The following CNTNAP2 variants were observed in gnomAD, a reference collection of about 807,000 sequenced individuals.
CNTNAP2 encodes contactin-associated protein-like 2.
Under a neutral mutation model 155.2 loss-of-function variants are expected in CNTNAP2, and 98 were observed. That is an observed-to-expected ratio of 0.63 (90% CI 0.54 to 0.75). The LOEUF (loss-of-function observed/expected upper bound fraction) is 0.75, where lower values mean the gene tolerates loss of function less well. Ranked by LOEUF, CNTNAP2 falls within the 30% of genes least tolerant of loss-of-function variation. CNTNAP2 has a pLI of 0.00. For synonymous variants in CNTNAP2, 651 were observed against 631.2 expected (o/e 1.03, Z -0.47); for missense variants, 1,727 against 1,688.1 (o/e 1.02, Z -0.40).
intron 17 of CNTNAP2, among the ~76,000 whole-genome samples, chr7:148,152,684 A>T (rs1035890435): frequency 2.6e-5 from 4 of 152,168 alleles, no homozygotes; most frequent in Non-Finnish European, 5.9e-5. Context: ...TCCAGCCAGG[A>T]GGGAACCAGT....
At chr7:147,650,338 A>G (rs1259892716) in intron 13 of CNTNAP2, among the ~76,000 whole-genome samples, 1 of 152,164 alleles carries the variant, frequency 6.6e-6, no homozygotes, top group African/African-American at 2.4e-5. Flanking sequence ...GTGCTATGAG[A>G]ATACAATGAG....
chr7:146,921,832 C>G (rs1215579507), intron 3 of CNTNAP2, among the ~76,000 whole-genome samples: 6 of 152,078 alleles, frequency 3.9e-5, no homozygotes, highest in Middle Eastern at 6.4e-3. Context: ...GGAAACTGAA[C>G]ACGAAGACAT....
At chr7:147,213,492 G>T (rs114667649) in intron 8 of CNTNAP2, among the ~76,000 whole-genome samples, 3 of 151,942 alleles carry the variant, frequency 2.0e-5, no homozygotes, top group African/African-American at 7.2e-5. Flanking sequence ...TTATTGCAAA[G>T]ATATCCACAA....
At chr7:147,119,540 T>A (rs530109806) in intron 5 of CNTNAP2, among the ~76,000 whole-genome samples, 1 of 152,296 alleles carries the variant, frequency 6.6e-6, no homozygotes, top group South Asian at 2.1e-4. Flanking sequence ...TTTCTTCCTC[T>A]CTCTTCCTCT....
At chr7:148,098,882 T>A (rs1804031319) in intron 15 of CNTNAP2, among the ~76,000 whole-genome samples, 1 of 152,068 alleles carries the variant, frequency 6.6e-6, no homozygotes, top group Admixed American at 6.5e-5. Flanking sequence ...AAGAGAAGGA[T>A]AAAGTAGCAT....
chr7:148,087,731 A>G (rs1417651894), intron 15 of CNTNAP2, among the ~76,000 whole-genome samples: 3 of 152,144 alleles, frequency 2.0e-5, no homozygotes, highest in Admixed American at 6.6e-5. Context: ...TCCCTACCAT[A>G]AGTAGTAAAG....
rs563789295 is a variant in CNTNAP2, at chr7:146,934,218, G to T, written c.402+94314G>T. On this transcript the variant is annotated intron_variant, in intron 3 of 23. Transcript: ENST00000361727. ...AATGTCCAACAATGATAGACTGGAT[G>T]AAGAAAATGTGGCACATATACACCA... 2.1e-3 allele frequency among the ~76,000 whole-genome samples: 325 copies of T among 151,882 alleles called. 1 individual carries two copies. The highest frequency in any genetic ancestry group is 4.7e-3 in the African/African-American group (193 of 41,394).
chr7:147,852,439 T>C (rs1182833114), intron 13 of CNTNAP2, among the ~76,000 whole-genome samples: 5 of 152,262 alleles, frequency 3.3e-5, no homozygotes, highest in African/African-American at 2.4e-5. Context: ...ACAAAACCCA[T>C]AGCTACACAT....
At chr7:146,192,701 A>G (rs1378350688) in intron 1 of CNTNAP2, among the ~76,000 whole-genome samples, 1 of 152,172 alleles carries the variant, frequency 6.6e-6, no homozygotes, top group Non-Finnish European at 1.5e-5. Context: ...GCAAAACCAT[A>G]TCATTCTGCC....
intron 4 of CNTNAP2, among the ~76,000 whole-genome samples, chr7:147,046,856 C>T (rs978726248): frequency 5.0e-4 from 76 of 151,726 alleles, no homozygotes; most frequent in South Asian, 1.0e-3. Flanking sequence ...GGTGAAACCC[C>T]GTCTCTACTA....
intron 11 of CNTNAP2, among the ~76,000 whole-genome samples, chr7:147,553,108 G>A (rs184843825): frequency 6.6e-6 from 1 of 152,308 alleles, no homozygotes; most frequent in East Asian, 1.9e-4. Flanking sequence ...CATTCTTGAA[G>A]GTGAGACAGC....
intron 13 of CNTNAP2, among the ~76,000 whole-genome samples, chr7:147,797,464 T>C (rs1225659745): frequency 2.6e-5 from 4 of 152,166 alleles, no homozygotes; most frequent in African/African-American, 7.2e-5. Flanking sequence ...AACCCTACGT[T>C]TGAGGGTTTT....
intron 11 of CNTNAP2, among the ~76,000 whole-genome samples, chr7:147,525,576 G>C (rs762162173): frequency 3.3e-5 from 5 of 152,156 alleles, no homozygotes; most frequent in Non-Finnish European, 7.4e-5. Flanking sequence ...TAGTTGGATG[G>C]GTAGGCAGAA....
chr7:147,064,438 G>A (rs760673398), intron 4 of CNTNAP2, among the ~76,000 whole-genome samples: 1 of 152,086 alleles, frequency 6.6e-6, no homozygotes, highest in Non-Finnish European at 1.5e-5. Context: ...TTGATGAAAG[G>A]GTAGCATCTC....
At chr7:146,475,793 C>T (rs1290760284) in intron 1 of CNTNAP2, among the ~76,000 whole-genome samples, 1 of 152,128 alleles carries the variant, frequency 6.6e-6, no homozygotes, top group Admixed American at 6.5e-5. Flanking sequence ...TTCCAGTCCT[C>T]CCAATACCCC....
chr7:146,773,674 A>T (rs1802336983), intron 1 of CNTNAP2, among the ~76,000 whole-genome samples: 1 of 152,188 alleles, frequency 6.6e-6, no homozygotes, highest in Non-Finnish European at 1.5e-5. Flanking sequence ...GATTACAGGC[A>T]TGAGTCACCA....
intron 1 of CNTNAP2, among the ~76,000 whole-genome samples, chr7:146,366,140 A>G (rs1489057784): frequency 1.3e-5 from 2 of 152,134 alleles, no homozygotes; most frequent in Admixed American, 1.3e-4. Context: ...ATATTTGCAT[A>G]CTGATGGTGA....
chr7:146,273,916 A>G (rs1370681207), intron 1 of CNTNAP2, among the ~76,000 whole-genome samples: 1 of 152,212 alleles, frequency 6.6e-6, no homozygotes, highest in Non-Finnish European at 1.5e-5. Context: ...TTATTCATAC[A>G]TAAGGAAATG....
In CNTNAP2 at chr7:147,458,303, G is replaced by A. The variant is rs117791793; in HGVS notation, c.1671-27632G>A. Among the ~76,000 whole-genome samples, 181 of 151,908 alleles carry A rather than the reference G, an allele frequency of 1.2e-3. 2 individuals carry two copies. In the East Asian group the frequency reaches 0.033, roughly 28 times the overall value. On this transcript the variant is annotated intron_variant, in intron 10 of 23. Transcript: ENST00000361727. ...TAAATAGAAACGTGGATCTCTCTTG[G>A]CACTTGTCCTTATGTCCAATTTCAT...
Sources: gnomAD v4.1 joint callset for allele counts (sites outside exome capture counted in the v4.1 genomes callset) on GRCh38, gnomAD v4.1.1 for gene constraint, MANE v1.5 for transcripts, NCBI Gene and HGNC (gene_info 2026-07-23, HGNC 2026-07-21) for gene names.